The following FOLH1 variants were observed in gnomAD, a reference collection of about 807,000 sequenced individuals.
FOLH1 encodes the protein glutamate carboxypeptidase 2.
In FOLH1, 54 loss-of-function variants were observed where a neutral mutation model predicts 93.9. The ratio of observed to expected loss-of-function variants is 0.57; its 90% CI spans 0.46 to 0.72. The LOEUF (loss-of-function observed/expected upper bound fraction) is 0.72. Ranked by LOEUF, FOLH1 falls within the 30% of genes least tolerant of loss-of-function variation. The pLI is 0.00. For missense variants in FOLH1, 571 were observed against 892.5 expected (o/e 0.64, Z 4.59); for synonymous variants, 249 against 303.6 (o/e 0.82, Z 1.87).
At position 49,186,806 on chromosome 11, in the gene FOLH1, A is replaced by G. The variant is rs769759209; in HGVS notation, c.514-37T>C. 6 of 1,547,102 alleles carry G rather than the reference A, an allele frequency of 3.9e-6. No homozygotes were observed. The East Asian group carries it at 1.2e-4, about 30-fold the overall frequency. ...GGGAATGACTTAATATGAGTCAGATATAAAACAAGGAGGTTTTTCTGCATG... is the reference window on the plus strand; with the variant it reads ...GGGAATGACTTAATATGAGTCAGATGTAAAACAAGGAGGTTTTTCTGCATG... On this transcript the variant is annotated intron_variant, in intron 4 of 18. Transcript: ENST00000256999.
At chr11:49,173,211 T>C in intron 10 of FOLH1, 146 bp downstream of exon 10, 2 of 772,632 alleles carry the variant, frequency 2.6e-6, no homozygotes, top group Middle Eastern at 4.1e-4. Context: ...ATAAACAATA[T>C]AATTAACCAA....
At chr11:49,193,694 A>G (rs1862310091) in intron 3 of FOLH1, among the ~76,000 whole-genome samples, 1 of 152,204 alleles carries the variant, frequency 6.6e-6, no homozygotes, top group Non-Finnish European at 1.5e-5. Flanking sequence ...AATATTCAGA[A>G]GCAAAAAAAT....
intron 13 of FOLH1, among the ~76,000 whole-genome samples, chr11:49,161,235 T>C (rs1216319485): frequency 6.6e-6 from 1 of 152,224 alleles, no homozygotes; most frequent in Non-Finnish European, 1.5e-5. Context: ...TGTTAAAGTC[T>C]ACCACTATTA....
chr11:49,195,995 A>C (rs1862577024), intron 3 of FOLH1, among the ~76,000 whole-genome samples: 1 of 152,162 alleles, frequency 6.6e-6, no homozygotes, highest in Non-Finnish European at 1.5e-5. Context: ...CTCTACTAAA[A>C]ATACAAAAAT....
chr11:49,179,360 A>T, intron 7 of FOLH1, among the ~76,000 whole-genome samples: 1 of 152,252 alleles, frequency 6.6e-6, no homozygotes, highest in Non-Finnish European at 1.5e-5. Flanking sequence ...TAAATTTAAA[A>T]GGTTGAAATT....
rs566707445 is a variant in FOLH1 at position 49,196,670 on chromosome 11, A to G, written c.411+3585T>C. ...ATCAAGAAAGAAAAATCGCATGCTC[A>G]TCTTAAAGAAAAATGTGTTTAATAT... On this transcript the variant is annotated intron_variant, in intron 3 of 18. Transcript: ENST00000256999. Among the ~76,000 whole-genome samples, 3 of 152,352 alleles carry G rather than the reference A, an allele frequency of 2.0e-5. No homozygotes were observed. The East Asian group carries it at 5.8e-4, about 29-fold the overall frequency.
At chr11:49,191,434 A>G (rs1862030775) in intron 4 of FOLH1, among the ~76,000 whole-genome samples, 1 of 152,230 alleles carries the variant, frequency 6.6e-6, no homozygotes, top group Non-Finnish European at 1.5e-5. Context: ...ATATTTGAAC[A>G]TAAACAGCAA....
chr11:49,185,984 A>G (rs1861318255), intron 5 of FOLH1, 129 bp from the exon 6 acceptor site: 1 of 1,165,788 alleles, frequency 8.6e-7, no homozygotes, highest in East Asian at 3.0e-5. Flanking sequence ...TTAGGCCTAC[A>G]ACAAAGGACA....
intron 8 of FOLH1, among the ~76,000 whole-genome samples, chr11:49,175,479 C>A (rs1378268782): frequency 6.6e-6 from 1 of 152,130 alleles, no homozygotes; most frequent in Admixed American, 6.5e-5. Context: ...TCATTGTCTT[C>A]CTTCTGCAGG....
rs760582412 is a variant in FOLH1, at chr11:49,208,318, C to T, written c.92G>A (p.Gly31Asp). Residue 31 changes from glycine to aspartate, a missense_variant, in exon 1 of 19, where the codon GGC becomes GAC. Around this residue, in one of 2 missense-constraint regions of FOLH1, gnomAD observed 71 missense variants for 69.6 expected, o/e 1.02. Transcript: ENST00000256999. ...LCAGALVLAG[G>D]FFLLGFLFGW... The stretch of plus-strand genomic sequence containing the variant: ...GAAGAGGAAGCCGAGGAGAAAGAAG[C>T]CACCCGCCAGCACCAGCGCCCCAGC... The T allele has an allele frequency of 5.7e-6, 9 of 1,579,538 alleles. No individual in the cohort carries two copies. The highest frequency in any genetic ancestry group is 7.8e-6 in the Non-Finnish European group (9 of 1,161,026).
chr11:49,146,833 C>T lies in FOLH1; in HGVS notation c.2176G>A (p.Gly726Arg), dbSNP rs756160678. The T allele has an allele frequency of 3.9e-5, 63 of 1,613,440 alleles. No homozygotes were observed. The highest frequency in any genetic ancestry group is 5.0e-5 in the Non-Finnish European group (59 of 1,179,702). The change falls in exon 19 of 19, where the codon GGA becomes AGA. Residue 726 changes from glycine (G) to arginine (R), a missense_variant. Gly to Arg is a moderately radical substitution (Grantham distance 125). Coordinates refer to ENST00000256999, the MANE Select transcript of FOLH1 (RefSeq NM_004476.3). ...ESKVDPSKAWGEVKRQIYVAA... is the reference protein window; with the variant it reads ...ESKVDPSKAWREVKRQIYVAA... ...ACATAAATCTGTCTCTTCACTTCTC[C>T]CCAGGCCTTGGAAGGGTCCACTTTG...
chr11:49,182,992 G>A (rs1860952737), intron 7 of FOLH1, among the ~76,000 whole-genome samples, 157 bp downstream of exon 7: 1 of 151,974 alleles, frequency 6.6e-6, no homozygotes, highest in Non-Finnish European at 1.5e-5. Flanking sequence ...CTAAATTCCA[G>A]AACAGAACCA....
At chr11:49,189,090 G>A (rs1313356807) in intron 4 of FOLH1, among the ~76,000 whole-genome samples, 3 of 152,152 alleles carry the variant, frequency 2.0e-5, no homozygotes, top group South Asian at 2.1e-4. Context: ...ACTTAGAATG[G>A]GTAGGAGATG....
intron 3 of FOLH1, among the ~76,000 whole-genome samples, chr11:49,198,064 T>A (rs1862818217): frequency 6.6e-6 from 1 of 152,140 alleles, no homozygotes; most frequent in Non-Finnish European, 1.5e-5. Flanking sequence ...CATGATTCAT[T>A]TTGTATTATG....
Position 49,200,270 on chromosome 11 carries a change from A to G in FOLH1, c.396T>C (p.Asn132=). Reference sequence around the variant, plus strand: ...TATTTTTTACCTCATTTCCATCTTCATTAATTATTGAGATGTAGTTGGGAT... The same window carrying G: ...TATTTTTTACCTCATTTCCATCTTCGTTAATTATTGAGATGTAGTTGGGAT... ...KTHPNYISII[N]EDGNEIFNTS... The change falls in exon 3 of 19, where the codon AAT becomes AAC. Residue 132 remains asparagine (N), a synonymous_variant. Transcript: ENST00000256999. 6.4e-7 allele frequency: 1 copy of G among 1,563,098 alleles called. No individual in the cohort carries two copies. Among genetic ancestry groups the G allele is most frequent in the Non-Finnish European group, 8.7e-7 (1 of 1,155,646 alleles).
intron 10 of FOLH1, 32 bp downstream of exon 10, chr11:49,173,325 C>T (rs763553780): frequency 6.3e-7 from 1 of 1,592,922 alleles, no homozygotes; most frequent in Non-Finnish European, 8.6e-7. Context: ...CTCAGATAGG[C>T]TGTTTTTTTT....
At chr11:49,172,263 A>G (rs1400778031) in intron 10 of FOLH1, among the ~76,000 whole-genome samples, 1 of 152,202 alleles carries the variant, frequency 6.6e-6, no homozygotes, top group Non-Finnish European at 1.5e-5. Context: ...ACATTTTTGT[A>G]ATAAAATTAA....
intron 17 of FOLH1, among the ~76,000 whole-genome samples, chr11:49,149,429 A>T (rs1278023110): frequency 6.6e-6 from 1 of 152,122 alleles, no homozygotes; most frequent in Admixed American, 6.6e-5. Context: ...AGCTGCCCCC[A>T]GTATAACTCT....
intron 7 of FOLH1, among the ~76,000 whole-genome samples, chr11:49,177,983 A>G (rs1057012919): frequency 1.3e-5 from 2 of 151,164 alleles, no homozygotes; most frequent in East Asian, 1.9e-4. Flanking sequence ...AAAACAAAAG[A>G]AAAAAAAGGC....
Sources: gnomAD v4.1 joint callset for allele counts (sites outside exome capture counted in the v4.1 genomes callset) on GRCh38, gnomAD v4.1.1 for gene constraint, gnomAD v4.1.1 regional missense constraint, MANE v1.5 for transcripts, NCBI Gene and HGNC (gene_info 2026-07-23, HGNC 2026-07-21) for gene names.